Variants in AEBP1 observed in about 807,000 individuals in gnomAD.
AEBP1 encodes adipocyte enhancer-binding protein 1.
In AEBP1, 69 loss-of-function variants were observed where a neutral mutation model predicts 116.5. That is an observed-to-expected ratio of 0.59 (90% CI 0.49 to 0.72). AEBP1 has a LOEUF of 0.72. Among genes scored for constraint, AEBP1 ranks in the 30% least tolerant of loss-of-function variants. The pLI, the probability that AEBP1 is intolerant of heterozygous loss-of-function variation, is 0.00. For missense variants in AEBP1, 1,444 were observed against 1,557.5 expected, an observed-to-expected ratio of 0.93 and a Z score of 1.23; for synonymous variants, 627 against 627.3, an observed-to-expected ratio of 1.00 and a Z score of 0.01.
chr7:44,112,009 C>T lies in AEBP1; in HGVS notation c.1996C>T (p.Pro666Ser). Residue 666 changes from proline to serine, a missense_variant, in exon 16 of 21, where the codon CCC (proline) becomes TCC (serine). Physicochemically the swap from Pro to Ser is moderately conservative, Grantham distance 74 (BLOSUM62 -1). Transcript: ENST00000223357. This position sits in a 1 kb window ranked among gnomAD's most constrained non-coding sequence, Gnocchi z 6.6. ...GCAGGACACACGCATCCACCTGGTG[C>T]CCTCACTGAACCCTGATGGCTACGA... ...LVQDTRIHLVPSLNPDGYEVA... is the reference protein window; with the variant it reads ...LVQDTRIHLVSSLNPDGYEVA... 6.2e-6 allele frequency: 10 copies of T among 1,613,770 alleles called. No homozygotes were observed. The highest frequency in any genetic ancestry group is 6.8e-6 in the Non-Finnish European group (8 of 1,179,990).
At position 44,104,587 on chromosome 7, in the gene AEBP1, C is replaced by T; in HGVS notation, c.-79C>T. On this transcript the variant is annotated 5_prime_UTR_variant, in exon 1 of 21. Transcript: ENST00000223357. ...CTGGATTCCCTCACCCGTCTCGATC[C>T]CCTCTCCGCCCTTTCCCAGAGACCC... 1 of 978,232 alleles carries T rather than the reference C, an allele frequency of 1.0e-6. No homozygotes were observed. Among genetic ancestry groups the T allele is most frequent in the Non-Finnish European group, 1.4e-6 (1 of 711,874 alleles). The allele number at this position is 978,232 out of a possible 1,614,324, so 60.6% of individuals were successfully genotyped here.
Position 44,111,939 on chromosome 7 carries a change from G to C in AEBP1, c.1926G>C (p.Leu642=), listed in dbSNP as rs757007933. 3.1e-6 allele frequency: 5 copies of C among 1,613,906 alleles called. No individual in the cohort carries two copies. Among genetic ancestry groups the C allele is most frequent in the Non-Finnish European group, 4.2e-6 (5 of 1,180,034 alleles). ...RELLLLLMQY[L]CREYRDGNPR... ...TGTTGCTGCTGCTCATGCAGTACCT[G>C]TGCCGAGAGTACCGCGATGGGAACC... Residue 642 remains leucine, a synonymous_variant, in exon 16 of 21, where the codon CTG becomes CTC. Transcript: ENST00000223357. This position sits in a 1 kb window ranked among gnomAD's most constrained non-coding sequence, Gnocchi z 4.7.
At position 44,112,969 on chromosome 7, in the gene AEBP1, G is replaced by T; in HGVS notation, c.2570-22G>T. ...TGGTCCGGAGAGGGGCTGACTTTGGGTCTGTATCTGTCCCCGGCCAGCTAT... is the reference window on the plus strand; with the variant it reads ...TGGTCCGGAGAGGGGCTGACTTTGGTTCTGTATCTGTCCCCGGCCAGCTAT... On this transcript the variant is annotated intron_variant, in intron 18 of 20. Coordinates refer to ENST00000223357, the MANE Select transcript of AEBP1 (RefSeq NM_001129.5). The surrounding 1 kb of genome is among the most constrained non-coding windows in gnomAD (Gnocchi z 6.6). The T allele has an allele frequency of 6.2e-7, 1 of 1,613,628 alleles. No individual in the cohort carries two copies. The highest frequency in any genetic ancestry group is 8.5e-7 in the Non-Finnish European group (1 of 1,179,944).
chr7:44,109,934 G>A (rs2096227226), intron 9 of AEBP1, 81 bp from the exon 10 acceptor site: 1 of 1,297,756 alleles, frequency 7.7e-7, no homozygotes. Context: ...GCCGGGAGTG[G>A]GCTCTGGGCT....
Position 44,112,380 on chromosome 7 carries a change from TGTTCTGGGC to T in AEBP1, c.2217+60_2217+68del. Reference sequence around the variant, plus strand: ...GAGCAGCTGGACCCTGGGGTCCTGGTGTTCTGGGCTTGGGGGTGGGGCTGACGGTGCCTG... The same window carrying T: ...GAGCAGCTGGACCCTGGGGTCCTGGTTTGGGGGTGGGGCTGACGGTGCCTG... On this transcript the variant is annotated intron_variant, in intron 17 of 20. Transcript: ENST00000223357. The surrounding 1 kb of genome is among the most constrained non-coding windows in gnomAD (Gnocchi z 6.6). The T allele has an allele frequency of 6.7e-7, 1 of 1,503,024 alleles. No individual in the cohort carries two copies. The highest frequency in any genetic ancestry group is 8.9e-7 in the Non-Finnish European group (1 of 1,125,112). 93.1% of individuals were successfully genotyped at this position (1,503,024 alleles called of 1,614,324 possible). A position where few individuals can be genotyped will look rare whatever the true frequency, so the allele number is the denominator to read the frequency against.
At chr7:44,109,389 G>C in intron 9 of AEBP1, 48 bp downstream of exon 9, 2 of 1,443,798 alleles carry the variant, frequency 1.4e-6, no homozygotes, top group Non-Finnish European at 1.9e-6. Flanking sequence ...CAGGATGGGG[G>C]TGCTGGGACA....
intron 1 of AEBP1, 56 bp downstream of exon 1, chr7:44,104,974 G>C (rs1165275277): frequency 7.2e-7 from 1 of 1,389,528 alleles, no homozygotes; most frequent in African/African-American, 1.4e-5. Flanking sequence ...GGTGGGAACA[G>C]GGGGATTCGG....
intron 11 of AEBP1, 115 bp downstream of exon 11, chr7:44,110,461 A>G: frequency 1.3e-6 from 2 of 1,487,818 alleles, no homozygotes; most frequent in Admixed American, 4.1e-5. Flanking sequence ...AAAGAAGGCC[A>G]AAAAGATCAG....
rs1275309441 is a variant in AEBP1, at chr7:44,108,932, A to G, written c.974A>G (p.Lys325Arg). The G allele has an allele frequency of 1.9e-6, 3 of 1,598,272 alleles. No homozygotes were observed. The highest frequency in any genetic ancestry group is 2.6e-6 in the Non-Finnish European group (3 of 1,173,352). Reference protein sequence around the residue: ...DYYFGPPPPQKPDAERQTDEE... With the variant: ...DYYFGPPPPQRPDAERQTDEE... Reference sequence around the variant, plus strand: ...TACTTTGGGCCTCCTCCGCCCCAGAAGCCCGATGCTGAGCGCCAGACAGAC... The same window carrying G: ...TACTTTGGGCCTCCTCCGCCCCAGAGGCCCGATGCTGAGCGCCAGACAGAC... The change falls in exon 7 of 21, where the codon AAG (lysine) becomes AGG (arginine). Residue 325 changes from lysine to arginine, a missense_variant. Coordinates refer to ENST00000223357, the MANE Select transcript of AEBP1 (RefSeq NM_001129.5). The surrounding 1 kb of genome is among the most constrained non-coding windows in gnomAD (Gnocchi z 5.0).
Position 44,110,258 on chromosome 7 carries a change from G to A in AEBP1, c.1312G>A (p.Asp438Asn), listed in dbSNP as rs762147547. 46 of 1,613,668 alleles carry A rather than the reference G, an allele frequency of 2.9e-5. No individual in the cohort carries two copies. Among genetic ancestry groups the A allele is most frequent in the Non-Finnish European group, 3.4e-5 (40 of 1,180,030 alleles). ...TGATGGTGCGTGGTGTGCCGAGGAC[G>A]ATGCCAGGACCCAGTGGATAGAGGT... ...YYDGAWCAED[D>N]ARTQWIEVDT... The change falls in exon 11 of 21, where the codon GAT (aspartate) becomes AAT (asparagine). Residue 438 changes from aspartate (D) to asparagine (N), a missense_variant. Physicochemically the swap from Asp to Asn is conservative, Grantham distance 23. Transcript: ENST00000223357.
At chr7:44,105,777 C>G (rs2096222358) in intron 1 of AEBP1, among the ~76,000 whole-genome samples, 1 of 152,114 alleles carries the variant, frequency 6.6e-6, no homozygotes, top group Admixed American at 6.6e-5. Context: ...TGTGTTTCTG[C>G]CAAACTTCCC....
In AEBP1 at chr7:44,111,653, AGCTGGCCTCTGCT is replaced by A; in HGVS notation, c.1840+28_1840+40del. On this transcript the variant is annotated intron_variant, in intron 15 of 20. Transcript: ENST00000223357. The surrounding 1 kb of genome is among the most constrained non-coding windows in gnomAD (Gnocchi z 4.7). ...TGGGTGAGGGTCTGTGGGGGCCAGC[AGCTGGCCTCTGCT>A]GCTGATGTGCAGAGCTCACTGCCTC... 1 of 1,609,548 alleles carries A rather than the reference AGCTGGCCTCTGCT, an allele frequency of 6.2e-7. No homozygotes were observed. The highest frequency in any genetic ancestry group is 1.1e-5 in the South Asian group (1 of 90,884).
rs2096225159 is a variant in AEBP1, at chr7:44,108,187, C to T, written c.940+103C>T. The stretch of plus-strand genomic sequence containing the variant: ...GGGGCAACTCACCCACCTTGCAACC[C>T]CACCTGTGCCCGTGGTTACCTCGCT... On this transcript the variant is annotated intron_variant, in intron 6 of 20. Transcript: ENST00000223357. This position sits in a 1 kb window ranked among gnomAD's most constrained non-coding sequence, Gnocchi z 5.0. The T allele has an allele frequency of 6.1e-6, 7 of 1,152,662 alleles. No homozygotes were observed. The highest frequency in any genetic ancestry group is 7.5e-6 in the Non-Finnish European group (6 of 798,646). 71.4% of individuals were successfully genotyped at this position (1,152,662 alleles called of 1,614,324 possible). A position where few individuals can be genotyped will look rare whatever the true frequency, so the allele number is the denominator to read the frequency against.
Position 44,107,386 on chromosome 7 carries a change from G to A in AEBP1, c.596-53G>A, listed in dbSNP as rs1396455693. On this transcript the variant is annotated intron_variant, in intron 2 of 20. Transcript: ENST00000223357. The surrounding 1 kb of genome is among the most constrained non-coding windows in gnomAD (Gnocchi z 4.3). ...GTGGCTGGTGGCCTGAGGCTCCCAA[G>A]GTGGTCAGAGCAGGCCTCCCGCCCA... 8 of 1,577,576 alleles carry A rather than the reference G, an allele frequency of 5.1e-6. No individual in the cohort carries two copies. Among genetic ancestry groups the A allele is most frequent in the Non-Finnish European group, 7.0e-6 (8 of 1,148,478 alleles).
chr7:44,113,019 CA>C lies in AEBP1; in HGVS notation c.2600del (p.Asn867ThrfsTer46). ...TINDFSYLHT[N>X]CLELSFYLGC... ...TCAATGACTTCAGTTACCTGCATAC[CA>C]ACTGCCTGGAGCTCTCCTTCTACCT... On this transcript the variant is annotated frameshift_variant, in exon 19 of 21. Transcript: ENST00000223357. LOFTEE classifies it high-confidence loss of function. This position sits in a 1 kb window ranked among gnomAD's most constrained non-coding sequence, Gnocchi z 5.3. 2 of 1,614,122 alleles carry C rather than the reference CA, an allele frequency of 1.2e-6. No homozygotes were observed. The highest frequency in any genetic ancestry group is 1.7e-6 in the Non-Finnish European group (2 of 1,180,000).
intron 9 of AEBP1, 104 bp downstream of exon 9, chr7:44,109,445 C>T (rs2096226531): frequency 2.3e-6 from 3 of 1,285,742 alleles, no homozygotes; most frequent in South Asian, 3.1e-5. Context: ...CCCCGGAACC[C>T]TTTCCTACTC....
chr7:44,113,342 G>T lies in AEBP1; in HGVS notation c.2800G>T (p.Val934Leu), dbSNP rs770869959. ...TISVSGINHG[V>L]KTASGGDYWR... ...CTCTGTGAGTGGCATTAATCACGGC[G>T]TGAAGACAGGTACCTAGTGTGCACA... The change falls in exon 20 of 21, where the codon GTG becomes TTG. Residue 934 changes from valine to leucine, a missense_variant. By Grantham distance (32) the Val-to-Leu change is conservative. Transcript: ENST00000223357. The surrounding 1 kb of genome is among the most constrained non-coding windows in gnomAD (Gnocchi z 5.3). 3 of 1,611,940 alleles carry T rather than the reference G, an allele frequency of 1.9e-6. No individual in the cohort carries two copies. The Admixed American group carries it at 5.0e-5, about 27-fold the overall frequency.
Position 44,112,133 on chromosome 7 carries a change from T to TC in AEBP1, c.2038-5dup. The TC allele has an allele frequency of 6.3e-7, 1 of 1,596,436 alleles. No individual in the cohort carries two copies. The highest frequency in any genetic ancestry group is 1.3e-5 in the African/African-American group (1 of 74,668). On this transcript the variant is annotated splice_polypyrimidine_tract_variant and intron_variant, in intron 16 of 20. Coordinates refer to ENST00000223357, the MANE Select transcript of AEBP1 (RefSeq NM_001129.5). This position sits in a 1 kb window ranked among gnomAD's most constrained non-coding sequence, Gnocchi z 6.6. ...GGTAGCCGATGCCTACCCTGCTGGCTCCCCACAGGGCTCAGAGTTTGGGAA... is the reference window on the plus strand; with the variant it reads ...GGTAGCCGATGCCTACCCTGCTGGCTCCCCCACAGGGCTCAGAGTTTGGGAA...
chr7:44,111,532 G>A lies in AEBP1; in HGVS notation c.1742G>A (p.Cys581Tyr), dbSNP rs2096229428. The A allele has an allele frequency of 1.2e-6, 2 of 1,602,922 alleles. No homozygotes were observed. The highest frequency in any genetic ancestry group is 8.5e-7 in the Non-Finnish European group (1 of 1,175,612). Reference protein sequence around the residue: ...RQLMKVVNEECPTITRTYSLG... With the variant: ...RQLMKVVNEEYPTITRTYSLG... ...CTCATGAAGGTGGTGAACGAGGAGT[G>A]CCCCACCATCACCCGCACTTACAGC... Residue 581 changes from cysteine to tyrosine, a missense_variant, in exon 15 of 21, where the codon TGC (cysteine) becomes TAC (tyrosine). Coordinates refer to ENST00000223357, the MANE Select transcript of AEBP1 (RefSeq NM_001129.5). This position sits in a 1 kb window ranked among gnomAD's most constrained non-coding sequence, Gnocchi z 4.7.
Sources: allele counts gnomAD v4.1 joint callset (sites outside exome capture counted in the v4.1 genomes callset), GRCh38; gene constraint gnomAD v4.1.1; non-coding constraint Gnocchi (gnomAD v3.1); transcripts MANE v1.5; gene names NCBI Gene and HGNC (gene_info 2026-07-23, HGNC 2026-07-21).